FAM174A: variants seen among roughly 807,000 people sequenced by gnomAD.
FAM174A encodes the protein membrane protein FAM174A.
Under a neutral mutation model 14.3 loss-of-function variants are expected in FAM174A, and 14 were observed. The observed-to-expected ratio is 0.98, with a 90% CI of 0.65 to 1.53. FAM174A has a LOEUF of 1.53. Among genes scored for constraint, FAM174A ranks in the 40% most tolerant of loss-of-function variants. FAM174A has a pLI of 0.00. For synonymous variants in FAM174A, 108 were observed against 111.4 expected, an observed-to-expected ratio of 0.97 and a Z score of 0.19; for missense variants, 241 against 249.6, an observed-to-expected ratio of 0.97 and a Z score of 0.23.
At chr5:100,539,439 C>T (rs370152623) in intron 1 of FAM174A, among the ~76,000 whole-genome samples, 3 of 152,118 alleles carry the variant, frequency 2.0e-5, no homozygotes, top group Non-Finnish European at 2.9e-5. Context: ...CAACCCTATA[C>T]GCTAAGACAC....
intron 1 of FAM174A, among the ~76,000 whole-genome samples, chr5:100,548,521 AT>A (rs1381846191): frequency 6.6e-6 from 1 of 152,028 alleles, no homozygotes; most frequent in Non-Finnish European, 1.5e-5. Flanking sequence ...TTTTCACCTA[AT>A]TTTTTGACCT....
chr5:100,547,628 A>C (rs148624154), intron 1 of FAM174A, among the ~76,000 whole-genome samples: 1 of 152,166 alleles, frequency 6.6e-6, no homozygotes, highest in East Asian at 1.9e-4. Flanking sequence ...GAAACATTTG[A>C]TTGGTTTATT....
intron 1 of FAM174A, among the ~76,000 whole-genome samples, chr5:100,552,776 G>T (rs150596556): frequency 2.8e-4 from 42 of 152,158 alleles, no homozygotes; most frequent in African/African-American, 9.6e-4. Context: ...GAACATTAAG[G>T]AATCTGCATC....
At position 100,535,625 on chromosome 5, in the gene FAM174A, T is replaced by G. The variant is rs1561309709; in HGVS notation, c.95T>G (p.Val32Gly). 1 of 1,613,206 alleles carries G rather than the reference T, an allele frequency of 6.2e-7. No individual in the cohort carries two copies. The highest frequency in any genetic ancestry group is 8.5e-7 in the Non-Finnish European group (1 of 1,179,932). Reference sequence around the variant, plus strand: ...CCTGAACTAAGCGGGCCCCTGGCAGTCCTGCTGCAGGCAGCCGAGGCCGCG... The same window carrying G: ...CCTGAACTAAGCGGGCCCCTGGCAGGCCTGCTGCAGGCAGCCGAGGCCGCG... ...LLPELSGPLA[V>G]LLQAAEAAPG... Residue 32 changes from valine to glycine, a missense_variant, in exon 1 of 3, where the codon GTC becomes GGC. By Grantham distance (109) the Val-to-Gly change is moderately radical (BLOSUM62 -3). Coordinates refer to ENST00000312637, the MANE Select transcript of FAM174A (RefSeq NM_198507.3).
chr5:100,541,645 A>G (rs568395177), intron 1 of FAM174A, among the ~76,000 whole-genome samples: 6 of 152,110 alleles, frequency 3.9e-5, no homozygotes, highest in Non-Finnish European at 7.4e-5. Context: ...ACCTAAGAAG[A>G]CATTAAGGAG....
At chr5:100,574,262 C>T (rs1746856055) in intron 2 of FAM174A, among the ~76,000 whole-genome samples, 1 of 152,104 alleles carries the variant, frequency 6.6e-6, no homozygotes, top group Non-Finnish European at 1.5e-5. Flanking sequence ...TATCTCGGCT[C>T]ACTGCAACCT....
At chr5:100,583,230 G>T (rs1173333296) in intron 2 of FAM174A, among the ~76,000 whole-genome samples, 1 of 152,152 alleles carries the variant, frequency 6.6e-6, no homozygotes, top group African/African-American at 2.4e-5. Context: ...CTGTCTCAGG[G>T]GTGGTAGAGG....
intron 1 of FAM174A, among the ~76,000 whole-genome samples, chr5:100,540,000 G>C (rs994177572): frequency 2.0e-5 from 3 of 151,964 alleles, no homozygotes; most frequent in Non-Finnish European, 4.4e-5. Flanking sequence ...CTCATCCAAA[G>C]ATTTTCCTGA....
intron 1 of FAM174A, among the ~76,000 whole-genome samples, chr5:100,559,846 T>A (rs6889167): frequency 0.019 from 2,856 of 152,052 alleles, 75 homozygotes; most frequent in African/African-American, 0.063. Context: ...GTTAGCCATT[T>A]GTCTAATTTT....
intron 1 of FAM174A, among the ~76,000 whole-genome samples, chr5:100,552,015 T>G (rs1746272339): frequency 6.6e-6 from 1 of 152,166 alleles, no homozygotes; most frequent in African/African-American, 2.4e-5. Flanking sequence ...CAGTTCAACC[T>G]GTAACATGCA....
Sources: gnomAD v4.1 joint callset for allele counts (sites outside exome capture counted in the v4.1 genomes callset) on GRCh38, gnomAD v4.1.1 for gene constraint, MANE v1.5 for transcripts, NCBI Gene and HGNC (gene_info 2026-07-23, HGNC 2026-07-21) for gene names.